The following SERPINE2 variants were observed in gnomAD, a reference collection of about 807,000 sequenced individuals.
SERPINE2 encodes serpin family E member 2.
SERPINE2 carries 14 observed loss-of-function variants against 36.3 expected under a neutral mutation model. The observed-to-expected ratio is 0.39, with a 90% CI of 0.25 to 0.60. The LOEUF is 0.60. SERPINE2 is among the 20% of genes least tolerant of loss of function. The pLI, the probability that SERPINE2 is intolerant of heterozygous loss-of-function variation, is 0.57. For missense variants in SERPINE2, 418 were observed against 499.6 expected, an observed-to-expected ratio of 0.84 and a Z score of 1.56; for synonymous variants, 192 against 191.8, an observed-to-expected ratio of 1.00 and a Z score of -0.01.
At chr2:224,031,398 G>A in intron 1 of SERPINE2, 9 of 985,564 alleles carry the variant, frequency 9.1e-6, no homozygotes, top group Non-Finnish European at 1.1e-5. Context: ...GATTCCGTTG[G>A]GGGGAAAACA....
intron 7 of SERPINE2, chr2:223,979,198 T>G (rs1236632311): frequency 6.6e-6 from 1 of 152,198 alleles, no homozygotes; most frequent in Non-Finnish European, 1.5e-5. Context: ...ACTCTGCTGT[T>G]GCTATCTTGA....
rs999702302 is a variant in SERPINE2 at position 223,988,802 on chromosome 2, C to T, written c.685+3001G>A. ...TTATAGGAAAAAAGCAGATGGCTTT[C>T]CATAGGATAGCATGATACATTTGTA... On this transcript the variant is annotated intron_variant, in intron 4 of 8. Coordinates refer to ENST00000409304, the MANE Select transcript of SERPINE2 (RefSeq NM_001136528.2). Among the ~76,000 whole-genome samples the T allele has an allele frequency of 4.6e-5, 7 of 152,224 alleles. No individual in the cohort carries two copies. In the South Asian group the frequency reaches 1.5e-3, roughly 32 times the overall value.
intron 1 of SERPINE2, among the ~76,000 whole-genome samples, chr2:224,035,584 G>A (rs1010211840): frequency 6.6e-5 from 10 of 152,118 alleles, no homozygotes; most frequent in Admixed American, 6.5e-4. Flanking sequence ...GATCAGGCTG[G>A]TCTTGAACTC....
intron 1 of SERPINE2, among the ~76,000 whole-genome samples, chr2:224,019,955 G>A (rs920690356): frequency 6.6e-6 from 1 of 152,064 alleles, no homozygotes; most frequent in African/African-American, 2.4e-5. Flanking sequence ...CCAAATGTCT[G>A]GAGACACTGA....
chr2:223,981,719 G>C (rs914225519), intron 6 of SERPINE2: 5 of 152,154 alleles, frequency 3.3e-5, no homozygotes, highest in Admixed American at 1.3e-4. Flanking sequence ...TAAATTTAAA[G>C]AACAAAGGAC....
At chr2:224,017,542 T>C (rs1347376658) in intron 1 of SERPINE2, among the ~76,000 whole-genome samples, 1 of 152,190 alleles carries the variant, frequency 6.6e-6, no homozygotes, top group South Asian at 2.1e-4. Flanking sequence ...TCTTATTCTA[T>C]AAGAAATTAA....
chr2:224,021,232 T>C (rs1303153777), intron 1 of SERPINE2, among the ~76,000 whole-genome samples: 1 of 152,128 alleles, frequency 6.6e-6, no homozygotes, highest in African/African-American at 2.4e-5. Context: ...GAAGGCAGCA[T>C]CTGTGGAGGT....
At chr2:224,031,429 A>G (rs1692361714) in intron 1 of SERPINE2, 2 of 985,412 alleles carry the variant, frequency 2.0e-6, no homozygotes, top group African/African-American at 1.7e-5. Context: ...CAGCTGGGGA[A>G]CGCCAGGCAG....
intron 1 of SERPINE2, among the ~76,000 whole-genome samples, chr2:224,037,887 A>G (rs1289586283): frequency 6.6e-6 from 1 of 152,262 alleles, no homozygotes; most frequent in Non-Finnish European, 1.5e-5. Context: ...ATTTTCAAAC[A>G]TTATTTTAAC....
chr2:224,002,496 A>T (rs1376599736), intron 1 of SERPINE2, among the ~76,000 whole-genome samples: 2 of 151,148 alleles, frequency 1.3e-5, no homozygotes, highest in Non-Finnish European at 3.0e-5. Context: ...TTTTATTTTT[A>T]TTTATTTATT....
chr2:224,003,276 C>T (rs952464887), intron 1 of SERPINE2, among the ~76,000 whole-genome samples: 3 of 151,982 alleles, frequency 2.0e-5, no homozygotes, highest in South Asian at 2.1e-4. Flanking sequence ...TGGGTGAAGC[C>T]GAAGGAGAGT....
chr2:224,031,342 G>A, intron 1 of SERPINE2: 1 of 985,400 alleles, frequency 1.0e-6, no homozygotes. Flanking sequence ...AATGATATCA[G>A]CATCTAGCTG....
intron 1 of SERPINE2, among the ~76,000 whole-genome samples, chr2:224,013,391 T>G (rs1691694635): frequency 6.6e-6 from 1 of 152,094 alleles, no homozygotes; most frequent in South Asian, 2.1e-4. Flanking sequence ...CTTTCTGGGG[T>G]GACTTGCACA....
chr2:224,025,133 C>G (rs139597086), intron 1 of SERPINE2, among the ~76,000 whole-genome samples: 1 of 152,208 alleles, frequency 6.6e-6, no homozygotes, highest in African/African-American at 2.4e-5. Context: ...GCCCACATCA[C>G]ACAGAAAAAA....
chr2:224,029,201 A>G (rs994753438), intron 1 of SERPINE2, among the ~76,000 whole-genome samples: 2 of 152,222 alleles, frequency 1.3e-5, no homozygotes, highest in Non-Finnish European at 2.9e-5. Context: ...TTCTTTTAGT[A>G]TACACATTTC....
chr2:224,005,083 ATATATATATATAT>A (rs1691367584), intron 1 of SERPINE2, among the ~76,000 whole-genome samples: 3 of 133,950 alleles, frequency 2.2e-5, no homozygotes, highest in South Asian at 2.2e-4. Flanking sequence ...ATATATATAT[ATATATATATATAT>A]AAAACATTGT....
At chr2:224,035,398 T>TTTTGTTTTTGTC (rs1692500991) in intron 1 of SERPINE2, among the ~76,000 whole-genome samples, 1 of 91,862 alleles carries the variant, frequency 1.1e-5, no homozygotes, top group Non-Finnish European at 2.6e-5. Flanking sequence ...TTGTTTTTGT[T>TTTTGTTTTTGTC]TTGAGACAGA....
intron 1 of SERPINE2, among the ~76,000 whole-genome samples, chr2:224,025,937 T>C: frequency 6.6e-6 from 1 of 152,220 alleles, no homozygotes; most frequent in African/African-American, 2.4e-5. Context: ...AGGAAACCCA[T>C]TTCCTCTTCT....
chr2:224,037,197 G>A (rs1483191452), intron 1 of SERPINE2, among the ~76,000 whole-genome samples: 1 of 152,166 alleles, frequency 6.6e-6, no homozygotes, highest in Non-Finnish European at 1.5e-5. Context: ...TGGATGACTG[G>A]GTAAACACAG....
Sources: gnomAD v4.1 joint callset for allele counts (sites outside exome capture counted in the v4.1 genomes callset) on GRCh38, gnomAD v4.1.1 for gene constraint, MANE v1.5 for transcripts, NCBI Gene and HGNC (gene_info 2026-07-23, HGNC 2026-07-21) for gene names.